Variants in COL4A5 observed in about 807,000 individuals in gnomAD.
COL4A5 encodes collagen alpha-5(IV) chain.
COL4A5 carries 26 observed loss-of-function variants against 130.2 expected under a neutral mutation model. That is an observed-to-expected ratio of 0.20 (90% confidence interval 0.15 to 0.28). COL4A5 has a LOEUF of 0.28. COL4A5 is among the 10% of genes least tolerant of loss of function. The pLI is 1.00. For missense variants in COL4A5, 1,131 were observed against 1,344.3 expected, an observed-to-expected ratio of 0.84 and a Z score of 2.48; for synonymous variants, 496 against 439.6, an observed-to-expected ratio of 1.13 and a Z score of -1.60.
rs758846561 is a variant in COL4A5, at chrX:108,694,823, G to A, written c.4723G>A (p.Ala1575Thr). 1.7e-6 allele frequency: 2 copies of A among 1,206,664 alleles called. No individual in the cohort carries two copies. The highest frequency in any genetic ancestry group is 3.5e-5 in the South Asian group (2 of 56,855). The change falls in exon 51 of 53, where the codon GCT becomes ACT. Residue 1575 changes from alanine to threonine, a missense_variant. Coordinates refer to ENST00000328300, the MANE Select transcript of COL4A5 (RefSeq NM_033380.3). ...PFISRCAVCE[A>T]PAVVIAVHSQ... ...CTTTACCAGATGTGCAGTATGTGAA[G>A]CTCCAGCTGTGGTGATCGCAGTTCA...
intron 41 of COL4A5, 162 bp from the exon 42 acceptor site, chrX:108,670,066 C>T (rs2068169058): frequency 1.8e-6 from 1 of 540,599 alleles, no homozygotes; most frequent in Non-Finnish European, 2.9e-6. Context: ...TATACAGATG[C>T]ATGGATATGA....
intron 4 of COL4A5, among the ~76,000 whole-genome samples, chrX:108,566,117 A>T (rs944249266): frequency 5.5e-5 from 6 of 109,689 alleles, no homozygotes; most frequent in Admixed American, 3.9e-4. Flanking sequence ...TATTTTGCTC[A>T]GACTTGCAAG....
intron 1 of COL4A5, among the ~76,000 whole-genome samples, chrX:108,511,166 G>A (rs2065176872): frequency 9.0e-6 from 1 of 111,355 alleles, no homozygotes. Context: ...ATTTTAATAT[G>A]AGAAATTTTA....
At chrX:108,684,241 A>T (rs1183139062) in intron 47 of COL4A5, among the ~76,000 whole-genome samples, 1 of 111,606 alleles carries the variant, frequency 9.0e-6, no homozygotes, top group Non-Finnish European at 1.9e-5. Context: ...AAAAACTAGC[A>T]GAAGGCAAGA....
chrX:108,444,212 CT>C (rs1019210864), intron 1 of COL4A5, among the ~76,000 whole-genome samples: 31 of 100,591 alleles, frequency 3.1e-4, no homozygotes, highest in Non-Finnish European at 3.9e-4. Context: ...GTTCCAGACT[CT>C]TTTTTTTTTC....
At chrX:108,654,020 A>C (rs56262132) in intron 36 of COL4A5, among the ~76,000 whole-genome samples, 11,667 of 111,943 alleles carry the variant, frequency 0.1, 1,307 homozygotes, top group African/African-American at 0.34. Context: ...ACATGAGTCA[A>C]AAATAGATCT....
At chrX:108,635,974 A>C (rs1006107694) in intron 36 of COL4A5, among the ~76,000 whole-genome samples, 4 of 112,203 alleles carry the variant, frequency 3.6e-5, no homozygotes, top group Non-Finnish European at 7.5e-5. Context: ...GGGTATTCCC[A>C]AAAGGGGTAA....
chrX:108,455,578 T>A (rs1193440575), intron 1 of COL4A5, among the ~76,000 whole-genome samples: 4 of 112,226 alleles, frequency 3.6e-5, no homozygotes, highest in African/African-American at 9.7e-5. Context: ...CTCATGCCCG[T>A]CCCATTTCAA....
chrX:108,674,985 A>G (rs2068278452), intron 43 of COL4A5, among the ~76,000 whole-genome samples: 1 of 110,921 alleles, frequency 9.0e-6, no homozygotes, highest in East Asian at 2.8e-4. Flanking sequence ...ATCAATACAT[A>G]AAGACATGTT....
rs906883110 is a variant in COL4A5, at chrX:108,575,980, C to T, written c.609+8C>T. The T allele has an allele frequency of 2.6e-6, 3 of 1,133,503 alleles. No homozygotes were observed. The highest frequency in any genetic ancestry group is 2.2e-5 in the Admixed American group (1 of 45,335). The allele number at this position is 1,133,503 out of a possible 1,213,427, so 93.4% of individuals were successfully genotyped here. On this transcript the variant is annotated splice_region_variant and intron_variant, in intron 10 of 52. Transcript: ENST00000328300. Reference sequence around the variant, plus strand: ...GGACCACCAGGTTTGATGGTAAGCTCTCTTCTTTAATTTAATTTCCCCCCC... The same window carrying T: ...GGACCACCAGGTTTGATGGTAAGCTTTCTTCTTTAATTTAATTTCCCCCCC...
intron 2 of COL4A5, among the ~76,000 whole-genome samples, chrX:108,554,846 G>A (rs2065801157): frequency 9.0e-6 from 1 of 111,334 alleles, no homozygotes; most frequent in Admixed American, 9.6e-5. Context: ...TGTGCAACAA[G>A]GTGAGATCCT....
At chrX:108,671,090 T>G (rs1172134168) in intron 42 of COL4A5, among the ~76,000 whole-genome samples, 1 of 111,260 alleles carries the variant, frequency 9.0e-6, no homozygotes, top group Non-Finnish European at 1.9e-5. Flanking sequence ...TTAATCTTAT[T>G]TTCATTATAC....
intron 36 of COL4A5, among the ~76,000 whole-genome samples, chrX:108,642,766 C>T (rs1257426545): frequency 3.9e-5 from 4 of 101,269 alleles, no homozygotes; most frequent in African/African-American, 7.3e-5. Context: ...TACCCTGTGA[C>T]AAAGCCTACC....
chrX:108,667,216 A>G, intron 40 of COL4A5, 33 bp downstream of exon 40: 1 of 1,124,557 alleles, frequency 8.9e-7, no homozygotes, highest in South Asian at 1.8e-5. Context: ...AAATCAATCT[A>G]TAATAAAATG....
chrX:108,501,075 A>G (rs1181230184), intron 1 of COL4A5, among the ~76,000 whole-genome samples: 2 of 111,893 alleles, frequency 1.8e-5, no homozygotes, highest in African/African-American at 3.2e-5. Context: ...TTCTGTACCC[A>G]AAATAATTTA....
At chrX:108,538,278 G>C (rs1461901830) in intron 1 of COL4A5, among the ~76,000 whole-genome samples, 1 of 111,888 alleles carries the variant, frequency 8.9e-6, no homozygotes, top group Non-Finnish European at 1.9e-5. Context: ...TTAATCTGTA[G>C]TGTAGTTAGC....
intron 52 of COL4A5, 109 bp from the exon 53 acceptor site, chrX:108,696,188 C>G: frequency 1.6e-6 from 1 of 631,365 alleles, no homozygotes. Flanking sequence ...ATTAAGTCAC[C>G]AAGAGAGCTA....
At chrX:108,483,431 A>G (rs775602489) in intron 1 of COL4A5, among the ~76,000 whole-genome samples, 1 of 111,296 alleles carries the variant, frequency 9.0e-6, no homozygotes, top group Non-Finnish European at 1.9e-5. Context: ...AGCTAGGCCA[A>G]TCTCTCCTTT....
At position 108,524,813 on chromosome X, in the gene COL4A5, G is replaced by C. The variant is rs150738377; in HGVS notation, c.82-14933G>C. Among the ~76,000 whole-genome samples the C allele has an allele frequency of 6.1e-3, 674 of 111,391 alleles. 2 individuals carry two copies. The highest frequency in any genetic ancestry group is 0.037 in the East Asian group (132 of 3,544). On this transcript the variant is annotated intron_variant, in intron 1 of 52. Coordinates refer to ENST00000328300, the MANE Select transcript of COL4A5 (RefSeq NM_033380.3). ...ACTTGTTGATATCCTGTTTATTTCT[G>C]TTATTGATTTCTAATTTTATTCCAT...
Sources: gnomAD v4.1 joint callset for allele counts (sites outside exome capture counted in the v4.1 genomes callset) on GRCh38, gnomAD v4.1.1 for gene constraint, MANE v1.5 for transcripts, NCBI Gene and HGNC (gene_info 2026-07-23, HGNC 2026-07-21) for gene names.